Variants in ADAMTS6 observed in about 807,000 individuals in gnomAD.
The protein encoded by ADAMTS6 is ADAM metallopeptidase with thrombospondin type 1 motif 6, also known as A disintegrin and metalloproteinase with thrombospondin motifs 6.
Under a neutral mutation model 144.3 loss-of-function variants are expected in ADAMTS6, and 23 were observed. The observed-to-expected ratio is 0.16, with a 90% CI of 0.11 to 0.23. The LOEUF (loss-of-function observed/expected upper bound fraction) is 0.23. Among genes scored for constraint, ADAMTS6 ranks in the 10% least tolerant of loss-of-function variants. ADAMTS6 has a pLI of 1.00. For missense variants in ADAMTS6, 999 were observed against 1,379.6 expected, an observed-to-expected ratio of 0.72 and a Z score of 4.37; for synonymous variants, 444 against 457.5, an observed-to-expected ratio of 0.97 and a Z score of 0.38.
intron 7 of ADAMTS6, among the ~76,000 whole-genome samples, chr5:65,440,775 T>C (rs1371553221): frequency 6.6e-6 from 1 of 152,000 alleles, no homozygotes; most frequent in African/African-American, 2.4e-5. Context: ...GGCAATTGGG[T>C]AGAGTACCCA....
intron 9 of ADAMTS6, among the ~76,000 whole-genome samples, chr5:65,328,676 A>T (rs72760543): frequency 0.34 from 48,970 of 142,362 alleles, 8,149 homozygotes; most frequent in South Asian, 0.4. Flanking sequence ...TTGAAATTTT[A>T]AAAAAAAAGT....
intron 11 of ADAMTS6, among the ~76,000 whole-genome samples, chr5:65,287,505 A>G (rs1741794474): frequency 6.6e-6 from 1 of 152,154 alleles, no homozygotes; most frequent in South Asian, 2.1e-4. Context: ...TTCCTCACCT[A>G]TAAAATATTA....
At chr5:65,259,207 A>G (rs1205870610) in intron 14 of ADAMTS6, among the ~76,000 whole-genome samples, 1 of 37,154 alleles carries the variant, frequency 2.7e-5, no homozygotes. Context: ...AAAAGTGTAT[A>G]TATATATATA....
At chr5:65,275,399 GAAAGAAAGAAAGAAAGAAAA>G (rs1386864871) in intron 11 of ADAMTS6, among the ~76,000 whole-genome samples, 7 of 109,966 alleles carry the variant, frequency 6.4e-5, no homozygotes, top group African/African-American at 2.3e-4. Context: ...AAGAAAGAAA[GAAAGAAAGAAAGAAAGAAAA>G]GAAAGAAAGA....
At chr5:65,212,315 G>T (rs1011365589) in intron 20 of ADAMTS6, among the ~76,000 whole-genome samples, 4 of 151,764 alleles carry the variant, frequency 2.6e-5, no homozygotes, top group Non-Finnish European at 5.9e-5. Context: ...ACCCTAATGT[G>T]AGTTCCCAGA....
chr5:65,399,520 C>T (rs539522407), intron 7 of ADAMTS6, among the ~76,000 whole-genome samples: 1 of 151,974 alleles, frequency 6.6e-6, no homozygotes, highest in African/African-American at 2.4e-5. Flanking sequence ...ATCAATTATG[C>T]TTCTTTTTTT....
intron 7 of ADAMTS6, among the ~76,000 whole-genome samples, chr5:65,397,413 T>C (rs1392971503): frequency 6.6e-6 from 1 of 152,196 alleles, no homozygotes; most frequent in East Asian, 1.9e-4. Flanking sequence ...TTAGGTTTTT[T>C]AAGTCTATTT....
In ADAMTS6 at chr5:65,151,700, A is replaced by G. The variant is rs1752144955; in HGVS notation, c.*136T>C. 4.4e-6 allele frequency: 3 copies of G among 675,092 alleles called. No individual in the cohort carries two copies. The highest frequency in any genetic ancestry group is 5.0e-6 in the Non-Finnish European group (2 of 399,206). 41.8% of individuals were successfully genotyped at this position (675,092 alleles called of 1,614,324 possible). A position where few individuals can be genotyped will look rare whatever the true frequency, so the allele number is the denominator to read the frequency against. On this transcript the variant is annotated 3_prime_UTR_variant, in exon 25 of 25. Coordinates refer to ENST00000381055, the MANE Select transcript of ADAMTS6 (RefSeq NM_197941.4). ...AAATAATATTGAAATTTTGTCAGCT[A>G]GGGCTGACCAGTGGTTACGTTTTCC...
intron 11 of ADAMTS6, among the ~76,000 whole-genome samples, chr5:65,283,181 T>A (rs535267281): frequency 2.0e-5 from 3 of 152,208 alleles, no homozygotes; most frequent in Admixed American, 2.0e-4. Flanking sequence ...TACTTATCAT[T>A]TGATCACACA....
chr5:65,339,872 A>C (rs1006416488), intron 7 of ADAMTS6, among the ~76,000 whole-genome samples: 1 of 152,072 alleles, frequency 6.6e-6, no homozygotes, highest in Non-Finnish European at 1.5e-5. Context: ...TGGAACACTA[A>C]TAAGTTAACA....
At chr5:65,205,460 A>G (rs1756024026) in intron 20 of ADAMTS6, among the ~76,000 whole-genome samples, 1 of 152,212 alleles carries the variant, frequency 6.6e-6, no homozygotes. Flanking sequence ...TTAGTCAGCT[A>G]TTAGTACTGG....
chr5:65,170,690 T>C lies in ADAMTS6; in HGVS notation c.3171A>G (p.Leu1057=). Residue 1057 remains leucine, a synonymous_variant, in exon 24 of 25, where the codon CTA becomes CTG. Transcript: ENST00000381055. ...SYTGQASSDC[L]ETVRPPSMQQ... Reference sequence around the variant, plus strand: ...GCATTGATGGAGGCCGAACAGTTTCTAGACAGTCACTAGATGCCTGTCCGG... The same window carrying C: ...GCATTGATGGAGGCCGAACAGTTTCCAGACAGTCACTAGATGCCTGTCCGG... 6.2e-7 allele frequency: 1 copy of C among 1,614,184 alleles called. No individual in the cohort carries two copies. Among genetic ancestry groups the C allele is most frequent in the Non-Finnish European group, 8.5e-7 (1 of 1,180,024 alleles).
At chr5:65,284,967 T>G (rs12515568) in intron 11 of ADAMTS6, among the ~76,000 whole-genome samples, 88,374 of 151,846 alleles carry the variant, frequency 0.58, 26,719 homozygotes, top group African/African-American at 0.76. Flanking sequence ...TATTTACCTA[T>G]AAAAGTAAGG....
At chr5:65,353,255 C>A (rs1749026301) in intron 7 of ADAMTS6, among the ~76,000 whole-genome samples, 1 of 151,968 alleles carries the variant, frequency 6.6e-6, no homozygotes, top group Non-Finnish European at 1.5e-5. Context: ...ATCTCAATAA[C>A]CTCTGCTGTA....
chr5:65,274,480 T>C (rs1230676905), intron 11 of ADAMTS6, among the ~76,000 whole-genome samples: 1 of 151,968 alleles, frequency 6.6e-6, no homozygotes, highest in African/African-American at 2.4e-5. Flanking sequence ...CAACTGATCT[T>C]TTAACTCCCA....
chr5:65,188,319 G>A, intron 21 of ADAMTS6, 99 bp from the exon 22 acceptor site: 1 of 1,126,688 alleles, frequency 8.9e-7, no homozygotes, highest in East Asian at 2.4e-5. Flanking sequence ...ACTACGAGCT[G>A]ACATTTCAAT....
intron 14 of ADAMTS6, among the ~76,000 whole-genome samples, chr5:65,248,304 T>A (rs538857962): frequency 7.9e-5 from 12 of 152,158 alleles, no homozygotes; most frequent in Non-Finnish European, 1.5e-4. Context: ...TTTTTCACTA[T>A]ATATTTACTT....
In ADAMTS6 at chr5:65,452,724, A is replaced by T; in HGVS notation, c.826T>A (p.Leu276Met). The T allele has an allele frequency of 6.2e-7, 1 of 1,614,072 alleles. No individual in the cohort carries two copies. Among genetic ancestry groups the T allele is most frequent in the Non-Finnish European group, 8.5e-7 (1 of 1,179,932 alleles). ...HGRKDIEHYILSVMNIVAKLY... is the reference protein window; with the variant it reads ...HGRKDIEHYIMSVMNIVAKLY... ...AAACTTACAATATTCATCACACTCA[A>T]AATGTAATGTTCAATGTCTTTGCGG... The change falls in exon 5 of 25, where the codon TTG becomes ATG. Residue 276 changes from leucine to methionine, a missense_variant. Coordinates refer to ENST00000381055, the MANE Select transcript of ADAMTS6 (RefSeq NM_197941.4).
At chr5:65,416,638 G>C (rs1424909540) in intron 7 of ADAMTS6, among the ~76,000 whole-genome samples, 1 of 151,912 alleles carries the variant, frequency 6.6e-6, no homozygotes, top group Non-Finnish European at 1.5e-5. Flanking sequence ...CCTGGTGGGA[G>C]GCTGTGGCAA....
Sources: gnomAD v4.1 joint callset for allele counts (sites outside exome capture counted in the v4.1 genomes callset) on GRCh38, gnomAD v4.1.1 for gene constraint, MANE v1.5 for transcripts, NCBI Gene and HGNC (gene_info 2026-07-23, HGNC 2026-07-21) for gene names.